Variants in CT45A1 observed in about 807,000 individuals in gnomAD.
CT45A1 encodes cancer/testis antigen 45-1.
upstream of CT45A1, chrX:135,710,091 T>A (rs1284562270): frequency 8.6e-6 from 1 of 116,099 alleles, no homozygotes; most frequent in African/African-American, 3.2e-5. Flanking sequence ...ACTGTGATTC[T>A]TCACTGCAGT....
chrX:135,712,950 T>TTTCTTTCC, upstream of CT45A1, among the ~76,000 whole-genome samples: 1 of 82,918 alleles, frequency 1.2e-5, no homozygotes, highest in African/African-American at 4.5e-5. Context: ...TCTTTCTTTC[T>TTTCTTTCC]TTCTTTCTTT....
At chrX:135,716,592 T>G (rs1556571624) in intron 1 of CT45A1, among the ~76,000 whole-genome samples, 2 of 111,809 alleles carry the variant, frequency 1.8e-5, no homozygotes. Flanking sequence ...TACTACATAA[T>G]GTATAATCTA....
At chrX:135,717,322 G>A (rs1464129540) in intron 1 of CT45A1, among the ~76,000 whole-genome samples, 2 of 111,830 alleles carry the variant, frequency 1.8e-5, no homozygotes, top group Non-Finnish European at 3.8e-5. Context: ...GCCGAGGTGG[G>A]CAGATCACTT....
At chrX:135,712,923 C>CTT (rs1261406559), upstream of CT45A1, among the ~76,000 whole-genome samples, 4 of 88,858 alleles carry the variant, frequency 4.5e-5, no homozygotes, top group African/African-American at 1.4e-4. Flanking sequence ...TCTTTCTTTT[C>CTT]TTTTCTTTTC....
upstream of CT45A1, among the ~76,000 whole-genome samples, chrX:135,709,816 C>T: frequency 9.0e-6 from 1 of 111,329 alleles, no homozygotes; most frequent in South Asian, 3.8e-4. Context: ...GCCCAAACCC[C>T]AGCATTATGC....
At chrX:135,713,534 T>C (rs1338553459), upstream of CT45A1, 4 of 736,776 alleles carry the variant, frequency 5.4e-6, no homozygotes, top group African/African-American at 9.9e-5. Flanking sequence ...TCGGTGCTTC[T>C]GGTGAGACGC....
intron 1 of CT45A1, among the ~76,000 whole-genome samples, chrX:135,715,255 A>G (rs2087970276): frequency 1.1e-5 from 1 of 87,690 alleles, no homozygotes; most frequent in Non-Finnish European, 2.1e-5. Flanking sequence ...ATACTTATAT[A>G]TATATAATAC....
At chrX:135,711,625 C>T (rs1401531251), upstream of CT45A1, among the ~76,000 whole-genome samples, 2 of 110,381 alleles carry the variant, frequency 1.8e-5, no homozygotes, top group Non-Finnish European at 3.8e-5. Context: ...TTTTTACAAA[C>T]ATAACTTTTG....
At chrX:135,709,361 C>T (rs1352756884), upstream of CT45A1, among the ~76,000 whole-genome samples, 2 of 112,469 alleles carry the variant, frequency 1.8e-5, no homozygotes, top group East Asian at 2.8e-4. Flanking sequence ...CTCCTGACCT[C>T]GAGTGATCTG....
At chrX:135,718,761 G>T (rs2088014144) in intron 1 of CT45A1, among the ~76,000 whole-genome samples, 174 bp from the exon 2 acceptor site, 1 of 106,117 alleles carries the variant, frequency 9.4e-6, no homozygotes, top group South Asian at 4.4e-4. Flanking sequence ...ATTAAAATTA[G>T]GTTTCTTTTC....
chrX:135,717,638 T>A (rs1214668043), intron 1 of CT45A1, among the ~76,000 whole-genome samples: 1 of 112,250 alleles, frequency 8.9e-6, no homozygotes. Context: ...TGTTTTATAA[T>A]TTTTGTGTAG....
chrX:135,712,484 C>T (rs1283169950), upstream of CT45A1, among the ~76,000 whole-genome samples: 2 of 109,154 alleles, frequency 1.8e-5, no homozygotes, highest in African/African-American at 6.6e-5. Context: ...TATCAATTAA[C>T]AACTGTTACC....
At chrX:135,711,260 C>T (rs1167340444), upstream of CT45A1, among the ~76,000 whole-genome samples, 3 of 111,263 alleles carry the variant, frequency 2.7e-5, no homozygotes, top group Non-Finnish European at 5.7e-5. Flanking sequence ...GTTCCTACAT[C>T]GAAGTGAAAA....
At chrX:135,713,291 A>G (rs1556570240), upstream of CT45A1, among the ~76,000 whole-genome samples, 3 of 101,282 alleles carry the variant, frequency 3.0e-5, no homozygotes, top group African/African-American at 7.4e-5. Flanking sequence ...ATTTCATCCC[A>G]CTGTGTGAGA....
chrX:135,714,355 T>C (rs1298122799), intron 1 of CT45A1, among the ~76,000 whole-genome samples: 1 of 109,492 alleles, frequency 9.1e-6, no homozygotes, highest in African/African-American at 3.3e-5. Context: ...CTCCCGGTGC[T>C]GCGGGGGAAT....
intron 1 of CT45A1, among the ~76,000 whole-genome samples, chrX:135,717,759 C>G (rs2088000115): frequency 9.0e-6 from 1 of 111,403 alleles, no homozygotes; most frequent in Non-Finnish European, 1.9e-5. Flanking sequence ...ATTAATTATA[C>G]AGAAATGCCA....
chrX:135,717,829 T>C (rs2088000752), intron 1 of CT45A1, among the ~76,000 whole-genome samples: 1 of 111,975 alleles, frequency 8.9e-6, no homozygotes, highest in African/African-American at 3.2e-5. Context: ...AATGATTTTA[T>C]TCTTCTGCAT....
chrX:135,715,337 A>ACT (rs2087973278), intron 1 of CT45A1, among the ~76,000 whole-genome samples: 4 of 36,141 alleles, frequency 1.1e-4, no homozygotes, highest in African/African-American at 4.1e-4. Flanking sequence ...TATATATTAT[A>ACT]TATATATAAT....
the CT45A1 span, among the ~76,000 whole-genome samples, chrX:135,708,513 C>T: frequency 9.0e-6 from 1 of 110,517 alleles, no homozygotes; most frequent in African/African-American, 3.3e-5. Flanking sequence ...GATGTGGTTC[C>T]GCTCTGGAGA....
Sources: allele counts gnomAD v4.1 joint callset (sites outside exome capture counted in the v4.1 genomes callset), GRCh38; gene constraint gnomAD v4.1.1; transcripts MANE v1.5; gene names NCBI Gene and HGNC (gene_info 2026-07-23, HGNC 2026-07-21).